PALLD: variants seen among roughly 807,000 people sequenced by gnomAD.
PALLD encodes palladin.
PALLD carries 61 observed loss-of-function variants against 123.5 expected under a neutral mutation model. The ratio of observed to expected loss-of-function variants is 0.49; its 90% confidence interval spans 0.40 to 0.61. The LOEUF (loss-of-function observed/expected upper bound fraction) is 0.61, where lower values mean the gene tolerates loss of function less well. Among genes scored for constraint, PALLD ranks in the 20% least tolerant of loss-of-function variants. PALLD has a pLI of 0.00. For missense variants in PALLD, 1,273 were observed against 1,377.0 expected, an observed-to-expected ratio of 0.92 and a Z score of 1.20; for synonymous variants, 465 against 496.4, an observed-to-expected ratio of 0.94 and a Z score of 0.84.
intron 2 of PALLD, among the ~76,000 whole-genome samples, chr4:168,625,504 T>TAG (rs769777583): frequency 0.31 from 41,792 of 135,540 alleles, 9,937 homozygotes; most frequent in Non-Finnish European, 0.39. Context: ...ATCCAGGAGA[T>TAG]ATATATATAT....
chr4:168,732,298 C>T lies in PALLD; in HGVS notation c.1964+20375C>T, dbSNP rs150713257. On this transcript the variant is annotated intron_variant, in intron 10 of 21. Coordinates refer to ENST00000505667, the MANE Select transcript of PALLD (RefSeq NM_001166108.2). ...TCTCATTTCCCCTTTTCCTCTCCTACGGGCAGGTGATTGATTGACTTAGAG... is the reference window on the plus strand; with the variant it reads ...TCTCATTTCCCCTTTTCCTCTCCTATGGGCAGGTGATTGATTGACTTAGAG... 4.8e-3 allele frequency among the ~76,000 whole-genome samples: 730 copies of T among 152,252 alleles called. 3 individuals carry two copies. The highest frequency in any genetic ancestry group is 0.01 in the Middle Eastern group (3 of 294).
At chr4:168,825,814 C>T (rs748791404) in intron 10 of PALLD, among the ~76,000 whole-genome samples, 3 of 152,090 alleles carry the variant, frequency 2.0e-5, no homozygotes, top group Non-Finnish European at 2.9e-5. Flanking sequence ...ACATGAAATG[C>T]GACACAAGAT....
intron 11 of PALLD, among the ~76,000 whole-genome samples, chr4:168,892,056 TAGATA>T (rs1399848594): frequency 6.6e-6 from 1 of 152,206 alleles, no homozygotes; most frequent in African/African-American, 2.4e-5. Flanking sequence ...GTAAAATATA[TAGATA>T]AGATGTTTTC....
intron 14 of PALLD, among the ~76,000 whole-genome samples, chr4:168,902,742 A>G (rs1219962952): frequency 6.6e-6 from 1 of 152,194 alleles, no homozygotes; most frequent in Non-Finnish European, 1.5e-5. Context: ...GGACTACTTA[A>G]AAATATTGTA....
At chr4:168,811,774 TCTCACA>T (rs765740600) in intron 10 of PALLD, among the ~76,000 whole-genome samples, 67 of 109,424 alleles carry the variant, frequency 6.1e-4, no homozygotes, top group South Asian at 1.2e-3. Context: ...TCTCTCTCTC[TCTCACA>T]CACACACACA....
intron 10 of PALLD, among the ~76,000 whole-genome samples, chr4:168,883,559 C>T (rs1752921298): frequency 1.3e-5 from 2 of 152,144 alleles, no homozygotes; most frequent in Admixed American, 1.3e-4. Flanking sequence ...ACAGAATTGA[C>T]CTGCAATAGC....
At chr4:168,890,638 G>T (rs886215123) in intron 10 of PALLD, among the ~76,000 whole-genome samples, 1 of 151,076 alleles carries the variant, frequency 6.6e-6, no homozygotes, top group Non-Finnish European at 1.5e-5. Flanking sequence ...TTATGCTGCC[G>T]CCTCGCTAAG....
chr4:168,866,257 C>T (rs891544142), intron 10 of PALLD, among the ~76,000 whole-genome samples: 10 of 152,126 alleles, frequency 6.6e-5, no homozygotes, highest in Admixed American at 2.6e-4. Context: ...AGAGCAAGAC[C>T]CTGTGTCATT....
intron 18 of PALLD, 113 bp downstream of exon 18, chr4:168,921,854 T>C (rs1761574827): frequency 1.1e-6 from 1 of 874,464 alleles, no homozygotes; most frequent in South Asian, 1.4e-5. Flanking sequence ...AAAAAATAGA[T>C]TGTATCATCA....
intron 10 of PALLD, among the ~76,000 whole-genome samples, chr4:168,793,270 T>C (rs1228342548): frequency 4.6e-5 from 2 of 43,912 alleles, no homozygotes; most frequent in African/African-American, 1.9e-4. Context: ...TATATATGTG[T>C]GCATATATAT....
intron 10 of PALLD, among the ~76,000 whole-genome samples, chr4:168,824,817 C>CTTTTTTT (rs148235431): frequency 1.0e-5 from 1 of 97,890 alleles, no homozygotes; most frequent in Non-Finnish European, 2.0e-5. Context: ...CAGATAAATT[C>CTTTTTTT]TTTTTTTTTT....
intron 2 of PALLD, among the ~76,000 whole-genome samples, chr4:168,660,054 G>T (rs1403333720): frequency 6.6e-6 from 1 of 152,128 alleles, no homozygotes; most frequent in African/African-American, 2.4e-5. Context: ...CAACACCCAT[G>T]ACCCTATCTT....
chr4:168,613,559 G>A (rs1580582473), intron 2 of PALLD, among the ~76,000 whole-genome samples: 2 of 152,264 alleles, frequency 1.3e-5, no homozygotes, highest in East Asian at 1.9e-4. Flanking sequence ...GCAGATTTTG[G>A]TTTTGGCTAT....
At chr4:168,654,385 C>T (rs1778353490) in intron 2 of PALLD, among the ~76,000 whole-genome samples, 1 of 152,038 alleles carries the variant, frequency 6.6e-6, no homozygotes. Flanking sequence ...TGCTTTAGGG[C>T]ATACAGGATA....
intron 10 of PALLD, among the ~76,000 whole-genome samples, chr4:168,759,910 CA>C (rs2150432675): frequency 6.6e-6 from 1 of 151,950 alleles, no homozygotes; most frequent in African/African-American, 2.4e-5. Context: ...AAAAATTAGC[CA>C]GGGGTGGTGG....
At chr4:168,906,630 GTTTA>G (rs1757859346) in intron 15 of PALLD, among the ~76,000 whole-genome samples, 2 of 151,950 alleles carry the variant, frequency 1.3e-5, no homozygotes, top group African/African-American at 4.8e-5. Context: ...AGAAATTTTT[GTTTA>G]TTCATTTAGA....
At chr4:168,664,781 A>AC (rs1048238409) in intron 2 of PALLD, among the ~76,000 whole-genome samples, 2 of 151,976 alleles carry the variant, frequency 1.3e-5, no homozygotes, top group Admixed American at 6.6e-5. Context: ...AAAAAAAAAA[A>AC]AAAAAACCCT....
rs1784869404 is a variant in PALLD at position 168,711,881 on chromosome 4, C to T, written c.1922C>T (p.Ser641Leu). ...CTTCCAACACCAGCTGTCCTGCTTT[C>T]ACCCACTAAGGAGCCACCACCTCTG... The part of the protein sequence containing the change: ...KSLPTPAVLL[S>L]PTKEPPPLLA... Residue 641 changes from serine (S) to leucine (L), a missense_variant, in exon 10 of 22, where the codon TCA becomes TTA. Physicochemically the swap from Ser to Leu is moderately radical, Grantham distance 145 (BLOSUM62 -2). This residue lies in a region of PALLD where 944 missense variants were observed against 954.5 expected (regional missense o/e 0.99). Transcript: ENST00000505667. The T allele has an allele frequency of 1.2e-6, 2 of 1,614,048 alleles. No homozygotes were observed. Among genetic ancestry groups the T allele is most frequent in the Admixed American group, 3.3e-5 (2 of 60,000 alleles).
In PALLD at chr4:168,921,745, G is replaced by C; in HGVS notation, c.3058+4G>C. Reference sequence around the variant, plus strand: ...AGCCTGGAGCTTGTGGTTGCTGGTAGGCTCATCTGTGAATCCTTGCTCTCT... The same window carrying C: ...AGCCTGGAGCTTGTGGTTGCTGGTACGCTCATCTGTGAATCCTTGCTCTCT... On this transcript the variant is annotated splice_donor_region_variant and intron_variant, in intron 18 of 21. Coordinates refer to ENST00000505667, the MANE Select transcript of PALLD (RefSeq NM_001166108.2). The C allele has an allele frequency of 3.7e-6, 6 of 1,608,498 alleles. No homozygotes were observed. The highest frequency in any genetic ancestry group is 5.1e-6 in the Non-Finnish European group (6 of 1,177,034).
Sources: allele counts gnomAD v4.1 joint callset (sites outside exome capture counted in the v4.1 genomes callset), GRCh38; gene constraint gnomAD v4.1.1; regional missense constraint gnomAD v4.1.1; transcripts MANE v1.5; gene names NCBI Gene and HGNC (gene_info 2026-07-23, HGNC 2026-07-21).